The following RELN variants were observed in gnomAD, a reference collection of about 807,000 sequenced individuals.
RELN encodes the protein reelin.
In RELN, 108 loss-of-function variants were observed where a neutral mutation model predicts 427.6. The ratio of observed to expected loss-of-function variants is 0.25; its 90% CI spans 0.22 to 0.30. The LOEUF is 0.30. Among genes scored for constraint, RELN ranks in the 10% least tolerant of loss-of-function variants. The pLI, the probability that RELN is intolerant of heterozygous loss-of-function variation, is 1.00. For synonymous variants in RELN, 1,524 were observed against 1,513.4 expected (o/e 1.01, Z -0.16); for missense variants, 3,715 against 4,302.8 (o/e 0.86, Z 3.82).
chr7:103,700,890 T>A lies in RELN; in HGVS notation c.902+20A>T. ...CCATCTATGTCAGAATTTATGAAAA[T>A]ACTTTAAATTACAACAAACCTAATT... On this transcript the variant is annotated intron_variant, in intron 9 of 64. Transcript: ENST00000428762. 7.0e-7 allele frequency: 1 copy of A among 1,436,962 alleles called. No homozygotes were observed. Among genetic ancestry groups the A allele is most frequent in the African/African-American group, 1.4e-5 (1 of 71,432 alleles). The allele number at this position is 1,436,962 out of a possible 1,614,324, so 89.0% of individuals were successfully genotyped here. A position where few individuals can be genotyped will look rare whatever the true frequency, so the allele number is the denominator to read the frequency against.
In RELN at chr7:103,794,059, G is replaced by C. The variant is rs1792236560; in HGVS notation, c.474-17432C>G. ...TGCAATTACAAGCATGAGCCACAGTGCCTGGCCATAAACAGAAGTAATATT... is the reference window on the plus strand; with the variant it reads ...TGCAATTACAAGCATGAGCCACAGTCCCTGGCCATAAACAGAAGTAATATT... On this transcript the variant is annotated intron_variant, in intron 3 of 64. Transcript: ENST00000428762. Among the ~76,000 whole-genome samples the C allele has an allele frequency of 2.6e-5, 4 of 152,096 alleles. No individual in the cohort carries two copies. In the South Asian group the frequency reaches 8.3e-4, roughly 32 times the overall value.
intron 27 of RELN, among the ~76,000 whole-genome samples, chr7:103,591,738 T>C (rs1397674993): frequency 6.6e-6 from 1 of 152,192 alleles, no homozygotes; most frequent in Non-Finnish European, 1.5e-5. Context: ...AGACAAGTGG[T>C]TGGAACTTGA....
At chr7:103,754,648 C>T (rs557798717) in intron 4 of RELN, among the ~76,000 whole-genome samples, 5 of 152,052 alleles carry the variant, frequency 3.3e-5, no homozygotes, top group East Asian at 1.9e-4. Flanking sequence ...TGGTGGTGCA[C>T]GCCTGTAGTC....
intron 1 of RELN, among the ~76,000 whole-genome samples, chr7:103,947,038 C>A (rs1019871535): frequency 1.3e-5 from 2 of 152,120 alleles, no homozygotes; most frequent in Non-Finnish European, 2.9e-5. Flanking sequence ...AGGATAATAT[C>A]CCCCCAAATG....
intron 3 of RELN, among the ~76,000 whole-genome samples, chr7:103,799,434 C>G (rs1442374945): frequency 1.3e-5 from 2 of 152,276 alleles, no homozygotes; most frequent in East Asian, 3.9e-4. Context: ...ACTCTCTTAT[C>G]AGTATTCTTC....
intron 28 of RELN, among the ~76,000 whole-genome samples, chr7:103,579,621 C>T (rs979685684): frequency 6.0e-5 from 9 of 149,458 alleles, no homozygotes; most frequent in Non-Finnish European, 1.0e-4. Flanking sequence ...AAAAAAAGTA[C>T]GTCACAGTGT....
rs746834426 is a variant in RELN, at chr7:103,515,174, G to A, written c.8119+11C>T. 1 of 1,614,142 alleles carries A rather than the reference G, an allele frequency of 6.2e-7. No individual in the cohort carries two copies. Among genetic ancestry groups the A allele is most frequent in the Non-Finnish European group, 8.5e-7 (1 of 1,180,026 alleles). On this transcript the variant is annotated intron_variant, in intron 50 of 64. Coordinates refer to ENST00000428762, the MANE Select transcript of RELN (RefSeq NM_005045.4). ...CACTGGGCTTTTTATTTAGCGCTGT[G>A]CATAATTTACCTGAAGTTTTGTCTT...
intron 1 of RELN, among the ~76,000 whole-genome samples, chr7:103,934,209 G>A (rs1795929145): frequency 6.6e-6 from 1 of 152,122 alleles, no homozygotes; most frequent in South Asian, 2.1e-4. Context: ...TATTCACTCT[G>A]TGTATCTTTC....
rs770000110 is a variant in RELN, at chr7:103,498,294, C to G, written c.8668-42G>C. On this transcript the variant is annotated intron_variant, in intron 53 of 64. Transcript: ENST00000428762. ...CCAGATGTGGTTAAAAAAACAATTT[C>G]AGATAACTATGGAATATTTAAGAAA... is the stretch of plus-strand genomic sequence containing the variant. 17 of 1,549,798 alleles carry G rather than the reference C, an allele frequency of 1.1e-5. 1 individual carries two copies. The highest frequency in any genetic ancestry group is 1.4e-5 in the Non-Finnish European group (16 of 1,121,844).
chr7:103,784,909 T>C (rs1372141678), intron 3 of RELN, among the ~76,000 whole-genome samples: 4 of 152,152 alleles, frequency 2.6e-5, no homozygotes, highest in Non-Finnish European at 5.9e-5. Context: ...AATGGGTGAA[T>C]GATTAATGTA....
chr7:103,782,893 G>A (rs1262373094), intron 3 of RELN, among the ~76,000 whole-genome samples: 2 of 152,048 alleles, frequency 1.3e-5, no homozygotes, highest in African/African-American at 4.8e-5. Flanking sequence ...TCTATCTACT[G>A]CTTTGTTAAT....
intron 1 of RELN, among the ~76,000 whole-genome samples, chr7:103,932,631 G>A (rs73715910): frequency 0.076 from 11,574 of 152,200 alleles, 773 homozygotes; most frequent in East Asian, 0.22. Context: ...GCACCTATTC[G>A]TTGGCTTTGG....
rs184060864 is a variant in RELN at position 103,582,950 on chromosome 7, A to G, written c.4145+6646T>C. On this transcript the variant is annotated intron_variant, in intron 28 of 64. Transcript: ENST00000428762. ...GGGAGTCTGCTTATTGTAGACCCTCATTGAGATGTAAGATTCATCTCAATA... is the reference window on the plus strand; with the variant it reads ...GGGAGTCTGCTTATTGTAGACCCTCGTTGAGATGTAAGATTCATCTCAATA... Among the ~76,000 whole-genome samples, 15 of 152,326 alleles carry G rather than the reference A, an allele frequency of 9.8e-5. No individual in the cohort carries two copies. The East Asian group carries it at 2.7e-3, about 27-fold the overall frequency.
At chr7:103,753,280 A>C (rs1791053203) in intron 4 of RELN, 66 bp from the exon 5 acceptor site, 1 of 1,524,658 alleles carries the variant, frequency 6.6e-7, no homozygotes, top group African/African-American at 1.4e-5. Flanking sequence ...AGTAATAAAG[A>C]GTCACAACAC....
At chr7:103,692,203 G>T (rs1404442747) in intron 10 of RELN, among the ~76,000 whole-genome samples, 5 of 152,084 alleles carry the variant, frequency 3.3e-5, no homozygotes, top group Non-Finnish European at 5.9e-5. Context: ...GATCACGAAG[G>T]GGCAAGGAGC....
At chr7:103,525,527 G>C (rs1472590680) in intron 46 of RELN, among the ~76,000 whole-genome samples, 1 of 152,162 alleles carries the variant, frequency 6.6e-6, no homozygotes, top group Admixed American at 6.5e-5. Context: ...CCTGTAAGCT[G>C]TGTAACTCAG....
At chr7:103,903,232 A>G (rs574488113) in intron 2 of RELN, among the ~76,000 whole-genome samples, 1 of 152,134 alleles carries the variant, frequency 6.6e-6, no homozygotes, top group South Asian at 2.1e-4. Flanking sequence ...CTCTCCTTAG[A>G]AAACAGCATC....
At chr7:103,914,730 A>T (rs1795446612) in intron 2 of RELN, among the ~76,000 whole-genome samples, 1 of 152,134 alleles carries the variant, frequency 6.6e-6, no homozygotes, top group East Asian at 1.9e-4. Context: ...TAAGAGATGA[A>T]TACTGCATCT....
intron 3 of RELN, among the ~76,000 whole-genome samples, chr7:103,800,979 A>C (rs1028233265): frequency 2.5e-4 from 38 of 152,350 alleles, no homozygotes; most frequent in African/African-American, 9.1e-4. Flanking sequence ...CACATGAAAA[A>C]ATGCTCATTA....
Sources: gnomAD v4.1 joint callset for allele counts (sites outside exome capture counted in the v4.1 genomes callset) on GRCh38, gnomAD v4.1.1 for gene constraint, MANE v1.5 for transcripts, NCBI Gene and HGNC (gene_info 2026-07-23, HGNC 2026-07-21) for gene names.